TMEM132D: variants seen among roughly 807,000 people sequenced by gnomAD.
The protein encoded by TMEM132D is transmembrane protein 132D.
TMEM132D carries 21 observed loss-of-function variants against 62.3 expected under a neutral mutation model. The observed-to-expected ratio is 0.34, with a 90% CI of 0.24 to 0.49. The LOEUF is 0.49. TMEM132D is among the 20% of genes least tolerant of loss of function. TMEM132D has a pLI of 0.99. For missense variants in TMEM132D, 1,346 were observed against 1,402.8 expected (o/e 0.96, Z 0.65); for synonymous variants, 621 against 575.6 (o/e 1.08, Z -1.13).
intron 3 of TMEM132D, among the ~76,000 whole-genome samples, chr12:129,418,575 G>A (rs1451775096): frequency 6.6e-6 from 1 of 152,124 alleles, no homozygotes; most frequent in South Asian, 2.1e-4. Flanking sequence ...TGGGGGACAA[G>A]GGGAGGGAGA....
chr12:129,516,433 T>C (rs1056601633), intron 3 of TMEM132D, among the ~76,000 whole-genome samples: 5 of 152,188 alleles, frequency 3.3e-5, no homozygotes, highest in Non-Finnish European at 7.3e-5. Context: ...TCCACGTGGC[T>C]GGGGAGGCCT....
chr12:129,158,703 G>C (rs890433336), intron 5 of TMEM132D, among the ~76,000 whole-genome samples: 1 of 150,896 alleles, frequency 6.6e-6, no homozygotes, highest in African/African-American at 2.4e-5. Context: ...AGCACATTGG[G>C]GAATTTCAGA....
At chr12:129,079,969 C>A (rs1393357209) in intron 7 of TMEM132D, among the ~76,000 whole-genome samples, 3 of 152,188 alleles carry the variant, frequency 2.0e-5, no homozygotes, top group Non-Finnish European at 4.4e-5. Flanking sequence ...TTCCCCTTTG[C>A]ACTTAAATTA....
chr12:129,731,913 C>T (rs1443551060), intron 1 of TMEM132D, among the ~76,000 whole-genome samples: 5 of 152,164 alleles, frequency 3.3e-5, no homozygotes, highest in East Asian at 3.9e-4. Context: ...CCACCTGCTT[C>T]GGCCTCCCAA....
intron 1 of TMEM132D, among the ~76,000 whole-genome samples, chr12:129,789,570 T>C (rs1004846635): frequency 8.5e-5 from 13 of 152,146 alleles, no homozygotes; most frequent in African/African-American, 3.1e-4. Context: ...GAACCAACAA[T>C]TTCGATTTGT....
rs139116198 is a variant in TMEM132D at position 129,273,033 on chromosome 12, T to C, written c.1300-63370A>G. ...CAACACAGTGAAACCCTGTCTCTAC[T>C]AAAAATACAAAAATTAGCTGGGTGT... is the stretch of plus-strand genomic sequence containing the variant. On this transcript the variant is annotated intron_variant, in intron 4 of 8. Coordinates refer to ENST00000422113, the MANE Select transcript of TMEM132D (RefSeq NM_133448.3). 5.3e-3 allele frequency among the ~76,000 whole-genome samples: 806 copies of C among 151,812 alleles called. 32 individuals carry two copies. The highest frequency in any genetic ancestry group is 0.019 in the African/African-American group (776 of 41,156).
chr12:129,213,454 G>A (rs1565999593), intron 4 of TMEM132D, among the ~76,000 whole-genome samples: 1 of 152,176 alleles, frequency 6.6e-6, no homozygotes, highest in Non-Finnish European at 1.5e-5. Context: ...TCGTGATTGT[G>A]CGACTGCACC....
At chr12:129,182,946 G>T (rs1466225431) in intron 5 of TMEM132D, among the ~76,000 whole-genome samples, 2 of 152,156 alleles carry the variant, frequency 1.3e-5, no homozygotes, top group African/African-American at 2.4e-5. Context: ...TGGGGTGGTG[G>T]TTAGGTTACA....
chr12:129,620,295 C>G (rs1354219705), intron 2 of TMEM132D, among the ~76,000 whole-genome samples: 1 of 152,160 alleles, frequency 6.6e-6, no homozygotes, highest in Non-Finnish European at 1.5e-5. Flanking sequence ...AGCCAAAGAC[C>G]TCCTTCAAAA....
chr12:129,749,620 C>T (rs528564509), intron 1 of TMEM132D, among the ~76,000 whole-genome samples: 1 of 93,606 alleles, frequency 1.1e-5, no homozygotes, highest in Non-Finnish European at 2.6e-5. Flanking sequence ...CCATGCCCCA[C>T]TAATTTTTTT....
At chr12:129,740,508 T>C (rs1869567729) in intron 1 of TMEM132D, among the ~76,000 whole-genome samples, 1 of 152,196 alleles carries the variant, frequency 6.6e-6, no homozygotes. Flanking sequence ...ATGATACACA[T>C]CCATGTCTAT....
intron 1 of TMEM132D, among the ~76,000 whole-genome samples, chr12:129,795,330 C>T (rs900015843): frequency 7.9e-5 from 12 of 152,242 alleles, no homozygotes; most frequent in East Asian, 1.9e-4. Flanking sequence ...CTAAAAGCAG[C>T]GTTTCCCAAG....
At chr12:129,696,017 A>C (rs150100230) in intron 2 of TMEM132D, among the ~76,000 whole-genome samples, 1 of 152,342 alleles carries the variant, frequency 6.6e-6, no homozygotes, top group Non-Finnish European at 1.5e-5. Flanking sequence ...ATAGAATAAG[A>C]AGAAATCCTA....
intron 3 of TMEM132D, among the ~76,000 whole-genome samples, chr12:129,492,479 A>G (rs1184358284): frequency 2.0e-5 from 3 of 152,200 alleles, no homozygotes; most frequent in Admixed American, 6.5e-5. Context: ...TAGCATGACA[A>G]TTGGTGCACA....
At chr12:129,152,761 T>G (rs1328621896) in intron 5 of TMEM132D, among the ~76,000 whole-genome samples, 1 of 152,174 alleles carries the variant, frequency 6.6e-6, no homozygotes, top group East Asian at 1.9e-4. Context: ...GCCCTCACGT[T>G]CGTTTCTCTC....
At chr12:129,213,781 G>A (rs1879119954) in intron 4 of TMEM132D, among the ~76,000 whole-genome samples, 1 of 152,138 alleles carries the variant, frequency 6.6e-6, no homozygotes, top group Non-Finnish European at 1.5e-5. Flanking sequence ...ACCTACTCAT[G>A]AGGGATTCAC....
rs1593371096 is a variant in TMEM132D, at chr12:129,416,505, C to A, written c.1116-78688G>T. Among the ~76,000 whole-genome samples, 3 of 152,168 alleles carry A rather than the reference C, an allele frequency of 2.0e-5. No homozygotes were observed. The East Asian group carries it at 5.8e-4, about 29-fold the overall frequency. On this transcript the variant is annotated intron_variant, in intron 3 of 8. Coordinates refer to ENST00000422113, the MANE Select transcript of TMEM132D (RefSeq NM_133448.3). ...CAATCATGTCATCTGCAAACAGAGA[C>A]AATTTGACCTCCTCTCTTTCTATTT...
At chr12:129,543,659 A>G (rs1876653842) in intron 2 of TMEM132D, among the ~76,000 whole-genome samples, 1 of 152,214 alleles carries the variant, frequency 6.6e-6, no homozygotes, top group African/African-American at 2.4e-5. Flanking sequence ...GAATGGTGCC[A>G]TGGGTGGTCC....
intron 1 of TMEM132D, chr12:129,854,944 G>C (rs1476637244): frequency 1.3e-5 from 2 of 152,316 alleles, no homozygotes; most frequent in Admixed American, 6.5e-5. Flanking sequence ...GACCTACTTT[G>C]TTTGCCCACA....
Sources: gnomAD v4.1 joint callset for allele counts (sites outside exome capture counted in the v4.1 genomes callset) on GRCh38, gnomAD v4.1.1 for gene constraint, MANE v1.5 for transcripts, NCBI Gene and HGNC (gene_info 2026-07-23, HGNC 2026-07-21) for gene names.